The following KIF1A variants were observed in gnomAD, a reference collection of about 807,000 sequenced individuals.
KIF1A encodes the protein kinesin family member 1A, also known as kinesin-like protein KIF1A.
In KIF1A, 46 loss-of-function variants were observed where a neutral mutation model predicts 227.3. That is an observed-to-expected ratio of 0.20 (90% CI 0.16 to 0.26). KIF1A has a LOEUF of 0.26. KIF1A is among the 10% of genes least tolerant of loss of function. The pLI is 1.00. For synonymous variants in KIF1A, 1,022 were observed against 1,012.8 expected (o/e 1.01, Z -0.17); for missense variants, 1,683 against 2,485.9 (o/e 0.68, Z 6.87).
intron 20 of KIF1A, among the ~76,000 whole-genome samples, chr2:240,764,057 GC>G (rs1434561392): frequency 1.3e-5 from 2 of 152,208 alleles, no homozygotes; most frequent in African/African-American, 4.8e-5. Flanking sequence ...GCCTGCAGGG[GC>G]TCTCTTTGGA....
In KIF1A at chr2:240,788,195, C is replaced by T. The variant is rs2055191741; in HGVS notation, c.219G>A (p.Val73=). 6.2e-7 allele frequency: 1 copy of T among 1,613,888 alleles called. No homozygotes were observed. Among genetic ancestry groups the T allele is most frequent in the Non-Finnish European group, 8.5e-7 (1 of 1,179,878 alleles). ...GCATCTCCTCGCCGATGTCCCGGTACACCTGCTTCTGCGACGCGTAGTTGA... is the reference window on the plus strand; with the variant it reads ...GCATCTCCTCGCCGATGTCCCGGTATACCTGCTTCTGCGACGCGTAGTTGA... ...EDINYASQKQ[V]YRDIGEEMLQ... is the part of the protein sequence containing the mutation. The change falls in exon 4 of 49, where the codon GTG becomes GTA. Residue 73 remains valine (V), a synonymous_variant. Coordinates refer to ENST00000498729, the MANE Select transcript of KIF1A (RefSeq NM_001244008.2). The surrounding 1 kb of genome is among the most constrained non-coding windows in gnomAD (Gnocchi z 6.6).
chr2:240,754,927 G>A lies in KIF1A; in HGVS notation c.2858+2392C>T, dbSNP rs118050426. The stretch of plus-strand genomic sequence containing the variant: ...AGTGAAGCCCTCGAGCTGGAGCAAC[G>A]TTTATCGACCCAGCCCTAGACACCT... On this transcript the variant is annotated intron_variant, in intron 27 of 48. Coordinates refer to ENST00000498729, the MANE Select transcript of KIF1A (RefSeq NM_001244008.2). Among the ~76,000 whole-genome samples, 852 of 152,236 alleles carry A rather than the reference G, an allele frequency of 5.6e-3. 24 individuals carry two copies. In the East Asian group the frequency reaches 0.076, roughly 14 times the overall value.
Position 240,783,731 on chromosome 2 carries a change from G to A in KIF1A, c.798+8C>T. The A allele has an allele frequency of 1.3e-6, 2 of 1,563,084 alleles. No individual in the cohort carries two copies. The highest frequency in any genetic ancestry group is 4.7e-5 in the East Asian group (2 of 42,154). On this transcript the variant is annotated splice_region_variant and intron_variant, in intron 8 of 48. Coordinates refer to ENST00000498729, the MANE Select transcript of KIF1A (RefSeq NM_001244008.2). ...ACACGGGTCCCCGCATGGCGGCCTG[G>A]CCCCTACCTTGAGGCGCGTGCCCTT...
rs755285814 is a variant in KIF1A, at chr2:240,720,901, G to A, written c.4868+13C>T. The A allele has an allele frequency of 1.9e-6, 3 of 1,549,684 alleles. No individual in the cohort carries two copies. Among genetic ancestry groups the A allele is most frequent in the African/African-American group, 1.4e-5 (1 of 73,722 alleles). ...GTGCCAGAAGCCACTCCGGGAGCCT[G>A]GAGCTCACTCACCTCAGGTCAGTGG... On this transcript the variant is annotated intron_variant, in intron 45 of 48. Transcript: ENST00000498729.
chr2:240,719,177 C>A lies in KIF1A; in HGVS notation c.5043G>T (p.Gly1681=). ...TGTGCGGCTCCAGGAAGTGCAGGTA[C>A]CCCTTCTTGGAAACGATCGGGCTGA... ...IRVSPIVSKK[G]YLHFLEPHTS... Residue 1681 remains glycine, a synonymous_variant, in exon 47 of 49, where the codon GGG becomes GGT. Transcript: ENST00000498729. The A allele has an allele frequency of 2.5e-6, 4 of 1,607,084 alleles. No homozygotes were observed. Among genetic ancestry groups the A allele is most frequent in the Non-Finnish European group, 3.4e-6 (4 of 1,176,726 alleles).
intron 18 of KIF1A, 44 bp downstream of exon 18, chr2:240,767,222 C>G (rs767556705): frequency 2.0e-6 from 3 of 1,531,352 alleles, no homozygotes; most frequent in African/African-American, 1.4e-5. Context: ...CTGCCAGATC[C>G]CAGGGCCTGG....
Position 240,726,427 on chromosome 2 carries a change from A to G in KIF1A, c.4122+399T>C, listed in dbSNP as rs1296125953. ...GGAGTTTGAGAACAGCCTGGCCAAC[A>G]TGGCAAAACCCCATCTCTACTAAAA... On this transcript the variant is annotated intron_variant, in intron 39 of 48. Coordinates refer to ENST00000498729, the MANE Select transcript of KIF1A (RefSeq NM_001244008.2). This position sits in a 1 kb window ranked among gnomAD's most constrained non-coding sequence, Gnocchi z 5.2. Among the ~76,000 whole-genome samples, 1 of 152,140 alleles carries G rather than the reference A, an allele frequency of 6.6e-6. No homozygotes were observed. The highest frequency in any genetic ancestry group is 2.4e-5 in the African/African-American group (1 of 41,420).
intron 33 of KIF1A, among the ~76,000 whole-genome samples, chr2:240,743,275 C>T (rs2048209529): frequency 6.6e-6 from 1 of 152,194 alleles, no homozygotes; most frequent in Non-Finnish European, 1.5e-5. Context: ...CCTTCATTGC[C>T]CTTCTCTTTC....
At chr2:240,784,968 C>T (rs113239744) in intron 7 of KIF1A, 21 bp downstream of exon 7, 2 of 1,595,826 alleles carry the variant, frequency 1.3e-6, no homozygotes, top group African/African-American at 1.3e-5. Context: ...GGTGGCACCG[C>T]CTGTGAGGCC....
intron 13 of KIF1A, 43 bp downstream of exon 13, chr2:240,773,071 G>T: frequency 1.3e-6 from 2 of 1,558,196 alleles, no homozygotes; most frequent in Non-Finnish European, 1.7e-6. Flanking sequence ...CTGAGCCTGA[G>T]GCCCCACAAC....
Position 240,758,641 on chromosome 2 carries a change from G to T in KIF1A, c.2445-144C>A, listed in dbSNP as rs1575583960. 2.5e-6 allele frequency: 2 copies of T among 800,666 alleles called. No homozygotes were observed. The highest frequency in any genetic ancestry group is 3.6e-6 in the Non-Finnish European group (2 of 558,532). 49.6% of individuals were successfully genotyped at this position (800,666 alleles called of 1,614,324 possible). A position where few individuals can be genotyped will look rare whatever the true frequency, so the allele number is the denominator to read the frequency against. On this transcript the variant is annotated intron_variant, in intron 25 of 48. Transcript: ENST00000498729. This position sits in a 1 kb window ranked among gnomAD's most constrained non-coding sequence, Gnocchi z 5.2. ...AGGGTCATCAAGGTCCAGGGGGCTT[G>T]CTAGACAGACCCCCTCTGTGACCCT...
chr2:240,812,170 T>C (rs1477124628), intron 1 of KIF1A, among the ~76,000 whole-genome samples: 2 of 152,202 alleles, frequency 1.3e-5, no homozygotes, highest in Non-Finnish European at 2.9e-5. Flanking sequence ...AACTCCCCTG[T>C]TGCTTTGGGG....
intron 27 of KIF1A, among the ~76,000 whole-genome samples, chr2:240,754,641 G>A (rs1311731532): frequency 6.6e-6 from 1 of 152,206 alleles, no homozygotes; most frequent in Non-Finnish European, 1.5e-5. Context: ...CACATGCTGG[G>A]CAGGCCATGC....
In KIF1A at chr2:240,740,039, GC is replaced by G; in HGVS notation, c.3901+18del. The G allele has an allele frequency of 6.4e-7, 1 of 1,562,310 alleles. No individual in the cohort carries two copies. Among genetic ancestry groups the G allele is most frequent in the South Asian group, 1.2e-5 (1 of 84,836 alleles). On this transcript the variant is annotated intron_variant, in intron 37 of 48. Coordinates refer to ENST00000498729, the MANE Select transcript of KIF1A (RefSeq NM_001244008.2). This position sits in a 1 kb window ranked among gnomAD's most constrained non-coding sequence, Gnocchi z 6.1. ...CAGCTCAGCCCCACCCACCAAGGCA[GC>G]CCCCACACCGCACTCACCCACGACC...
At chr2:240,756,163 G>A (rs964532118) in intron 27 of KIF1A, among the ~76,000 whole-genome samples, 3 of 152,082 alleles carry the variant, frequency 2.0e-5, no homozygotes, top group Non-Finnish European at 4.4e-5. Flanking sequence ...TAAACCCTGC[G>A]ATCTGGGGCC....
chr2:240,817,804 A>G (rs1279969825), intron 1 of KIF1A, among the ~76,000 whole-genome samples: 1 of 151,926 alleles, frequency 6.6e-6, no homozygotes, highest in African/African-American at 2.4e-5. Context: ...CCCTTCACAA[A>G]TCCCACAGGA....
chr2:240,784,514 T>C (rs1379039880), intron 7 of KIF1A, among the ~76,000 whole-genome samples: 1 of 152,166 alleles, frequency 6.6e-6, no homozygotes, highest in African/African-American at 2.4e-5. Context: ...CAGGAGGATG[T>C]GCCTGGCGGA....
At position 240,716,280 on chromosome 2, in the gene KIF1A, A is replaced by T. The variant is rs2044591422; in HGVS notation, c.*1084T>A. 1 of 152,192 alleles carries T rather than the reference A, an allele frequency of 6.6e-6. No homozygotes were observed. 9.4% of individuals were successfully genotyped at this position (152,192 alleles called of 1,614,324 possible). A position where few individuals can be genotyped will look rare whatever the true frequency, so the allele number is the denominator to read the frequency against. On this transcript the variant is annotated 3_prime_UTR_variant, in exon 49 of 49. Transcript: ENST00000498729. The stretch of plus-strand genomic sequence containing the variant: ...GGAAAGTCTTTGCAAGAAACCTGCT[A>T]ATGGCAGCATTTCTTCCCAGAAGCT...
At chr2:240,765,083 C>T (rs1559509459) in intron 20 of KIF1A, among the ~76,000 whole-genome samples, 1 of 152,254 alleles carries the variant, frequency 6.6e-6, no homozygotes, top group Non-Finnish European at 1.5e-5. Context: ...ATGTCTACAG[C>T]CATGTCTGTG....
Sources: allele counts gnomAD v4.1 joint callset (sites outside exome capture counted in the v4.1 genomes callset), GRCh38; gene constraint gnomAD v4.1.1; non-coding constraint Gnocchi (gnomAD v3.1); transcripts MANE v1.5; gene names NCBI Gene and HGNC (gene_info 2026-07-23, HGNC 2026-07-21).